UTP23: variants seen among roughly 807,000 people sequenced by gnomAD.
UTP23 encodes the protein rRNA-processing protein UTP23 homolog.
A neutral mutation model predicts 19.8 loss-of-function variants in UTP23; 10 were observed. The ratio of observed to expected loss-of-function variants is 0.50; its 90% CI spans 0.31 to 0.86. UTP23 has a LOEUF of 0.86. Ranked by LOEUF, UTP23 falls within the 40% of genes least tolerant of loss-of-function variation. The probability of loss-of-function intolerance (pLI) is 0.05; values close to 1 mark genes in which losing one functional copy is unlikely to be tolerated. For synonymous variants in UTP23, 108 were observed against 105.4 expected (o/e 1.02, Z -0.15); for missense variants, 282 against 293.1 (o/e 0.96, Z 0.28).
intron 1 of UTP23, among the ~76,000 whole-genome samples, chr8:116,767,577 C>T (rs1025658037): frequency 6.6e-6 from 1 of 152,118 alleles, no homozygotes; most frequent in African/African-American, 2.4e-5. Context: ...AACATTTGAG[C>T]CCATTCACTT....
rs767030128 is a variant in UTP23, at chr8:116,773,925, G to T, written c.*2083G>T. The stretch of plus-strand genomic sequence containing the variant: ...AAAAGTCTCATATCCTTGTACTTCA[G>T]TTTTTTTGTGTGTGAATACTATCCC... On this transcript the variant is annotated 3_prime_UTR_variant, in exon 3 of 3. Transcript: ENST00000309822. The T allele has an allele frequency of 7.1e-6, 7 of 984,360 alleles. No individual in the cohort carries two copies. The highest frequency in any genetic ancestry group is 8.4e-6 in the Non-Finnish European group (7 of 829,168). The allele number at this position is 984,360 out of a possible 1,614,324, so 61.0% of individuals were successfully genotyped here.
chr8:116,772,444 T>C lies in UTP23; in HGVS notation c.*602T>C. On this transcript the variant is annotated 3_prime_UTR_variant, in exon 3 of 3. Transcript: ENST00000309822. ...TAGTTGAAGAATTTATATTTCCAAATTGTATGATTATACCGCTACTTTTTG... is the reference window on the plus strand; with the variant it reads ...TAGTTGAAGAATTTATATTTCCAAACTGTATGATTATACCGCTACTTTTTG... 1.0e-6 allele frequency: 1 copy of C among 952,860 alleles called. No homozygotes were observed. Among genetic ancestry groups the C allele is most frequent in the African/African-American group, 1.8e-5 (1 of 56,652 alleles). The allele number at this position is 952,860 out of a possible 1,614,324, so 59.0% of individuals were successfully genotyped here. A position where few individuals can be genotyped will look rare whatever the true frequency, so the allele number is the denominator to read the frequency against.
chr8:116,767,424 A>G (rs1815599705), intron 1 of UTP23, among the ~76,000 whole-genome samples: 1 of 152,178 alleles, frequency 6.6e-6, no homozygotes, highest in Non-Finnish European at 1.5e-5. Context: ...CCTCATGGCC[A>G]GTAAAGTGCA....
Position 116,772,243 on chromosome 8 carries a change from T to C in UTP23, c.*401T>C. The C allele has an allele frequency of 2.0e-6, 2 of 986,628 alleles. No individual in the cohort carries two copies. Among genetic ancestry groups the C allele is most frequent in the Non-Finnish European group, 2.4e-6 (2 of 830,764 alleles). The allele number at this position is 986,628 out of a possible 1,614,324, so 61.1% of individuals were successfully genotyped here. Reference sequence around the variant, plus strand: ...GATGGAATTCACTTTACTTACTAAATGGTTTCGGGAGGTTGTTTCTCCAGG... The same window carrying C: ...GATGGAATTCACTTTACTTACTAAACGGTTTCGGGAGGTTGTTTCTCCAGG... On this transcript the variant is annotated 3_prime_UTR_variant, in exon 3 of 3. Transcript: ENST00000309822.
chr8:116,773,515 T>G lies in UTP23; in HGVS notation c.*1673T>G, dbSNP rs1212938058. Reference sequence around the variant, plus strand: ...AGTACTAAAAATTACAATGTATTAGTAAGTTTAATATTTTGACAGGGCATG... The same window carrying G: ...AGTACTAAAAATTACAATGTATTAGGAAGTTTAATATTTTGACAGGGCATG... On this transcript the variant is annotated 3_prime_UTR_variant, in exon 3 of 3. Coordinates refer to ENST00000309822, the MANE Select transcript of UTP23 (RefSeq NM_032334.3). 1 of 983,620 alleles carries G rather than the reference T, an allele frequency of 1.0e-6. No homozygotes were observed. The highest frequency in any genetic ancestry group is 6.2e-5 in the Admixed American group (1 of 16,260). 60.9% of individuals were successfully genotyped at this position (983,620 alleles called of 1,614,324 possible).
In UTP23 at chr8:116,771,708, A is replaced by C; in HGVS notation, c.616A>C (p.Ser206Arg). 5.6e-6 allele frequency: 9 copies of C among 1,613,042 alleles called. No individual in the cohort carries two copies. Among genetic ancestry groups the C allele is most frequent in the Non-Finnish European group, 7.6e-6 (9 of 1,179,882 alleles). Reference sequence around the variant, plus strand: ...GAAAATAAGTGGTCCCAATCCTCTTAGTTGTTTGAAGAAAAAGAAAAAGGC... The same window carrying C: ...GAAAATAAGTGGTCCCAATCCTCTTCGTTGTTTGAAGAAAAAGAAAAAGGC... The part of the protein sequence containing the change: ...RKKISGPNPL[S>R]CLKKKKKAPD... Residue 206 changes from serine to arginine, a missense_variant, in exon 3 of 3, where the codon AGT (serine) becomes CGT (arginine). Coordinates refer to ENST00000309822, the MANE Select transcript of UTP23 (RefSeq NM_032334.3).
chr8:116,773,181 T>A lies in UTP23; in HGVS notation c.*1339T>A, dbSNP rs1563668893. ...GGATTGCAATGTCATGATTCTATTT[T>A]AAATTCTTGATGGTAGAAACATTTT... On this transcript the variant is annotated 3_prime_UTR_variant, in exon 3 of 3. Coordinates refer to ENST00000309822, the MANE Select transcript of UTP23 (RefSeq NM_032334.3). 2 of 985,452 alleles carry A rather than the reference T, an allele frequency of 2.0e-6. No homozygotes were observed. The highest frequency in any genetic ancestry group is 1.1e-4 in the East Asian group (1 of 8,822). 61.0% of individuals were successfully genotyped at this position (985,452 alleles called of 1,614,324 possible).
Position 116,766,659 on chromosome 8 carries a change from A to G in UTP23, c.56A>G (p.Asn19Ser). The change falls in exon 1 of 3, where the codon AAC becomes AGC. Residue 19 changes from asparagine to serine, a missense_variant. Physicochemically the swap from Asn to Ser is conservative, Grantham distance 46. Transcript: ENST00000309822. The part of the protein sequence containing the change: ...AKKHLGFFRN[N>S]FGVREPYQIL... ...AAGCATCTTGGCTTCTTCCGCAACA[A>G]CTTCGGAGTCCGCGAGCCGTACCAG... The G allele has an allele frequency of 1.2e-6, 2 of 1,607,266 alleles. No homozygotes were observed. The highest frequency in any genetic ancestry group is 1.7e-6 in the Non-Finnish European group (2 of 1,177,546).
Position 116,768,248 on chromosome 8 carries a change from TC to T in UTP23, c.188+1458del, listed in dbSNP as rs538208693. Among the ~76,000 whole-genome samples, 24 of 152,328 alleles carry T rather than the reference TC, an allele frequency of 1.6e-4. No homozygotes were observed. The South Asian group carries it at 4.8e-3, about 30-fold the overall frequency. On this transcript the variant is annotated intron_variant, in intron 1 of 2. Coordinates refer to ENST00000309822, the MANE Select transcript of UTP23 (RefSeq NM_032334.3). Reference sequence around the variant, plus strand: ...TCTTTAGGGCTGTCTAACAAATCCTTCAGTAGTCTTTGCTCCTGAATTGATT... The same window carrying T: ...TCTTTAGGGCTGTCTAACAAATCCTTAGTAGTCTTTGCTCCTGAATTGATT...
Position 116,774,102 on chromosome 8 carries a change from A to G in UTP23, c.*2260A>G. 2.0e-6 allele frequency: 2 copies of G among 985,382 alleles called. No homozygotes were observed. Among genetic ancestry groups the G allele is most frequent in the Non-Finnish European group, 2.4e-6 (2 of 829,936 alleles). 61.0% of individuals were successfully genotyped at this position (985,382 alleles called of 1,614,324 possible). ...ACCTCTGCTTTAGAGGGTAGCTACTAGCTTTGTTGGGGATAAAAGTGTAAT... is the reference window on the plus strand; with the variant it reads ...ACCTCTGCTTTAGAGGGTAGCTACTGGCTTTGTTGGGGATAAAAGTGTAAT... On this transcript the variant is annotated 3_prime_UTR_variant, in exon 3 of 3. Coordinates refer to ENST00000309822, the MANE Select transcript of UTP23 (RefSeq NM_032334.3).
At chr8:116,768,122 A>T (rs1355152577) in intron 1 of UTP23, among the ~76,000 whole-genome samples, 1 of 152,096 alleles carries the variant, frequency 6.6e-6, no homozygotes, top group Non-Finnish European at 1.5e-5. Flanking sequence ...CCTTTTCCTC[A>T]CATACGATTA....
rs1586506729 is a variant in UTP23 at position 116,772,094 on chromosome 8, A to G, written c.*252A>G. ...CTACTCAGGAGGCTGAGGCATGAGAATCGCTTGAACCTGGGAGGCAGAGAT... is the reference window on the plus strand; with the variant it reads ...CTACTCAGGAGGCTGAGGCATGAGAGTCGCTTGAACCTGGGAGGCAGAGAT... On this transcript the variant is annotated 3_prime_UTR_variant, in exon 3 of 3. Transcript: ENST00000309822. 2.7e-6 allele frequency: 3 copies of G among 1,106,366 alleles called. No homozygotes were observed. Among genetic ancestry groups the G allele is most frequent in the Non-Finnish European group, 3.3e-6 (3 of 904,144 alleles). 68.5% of individuals were successfully genotyped at this position (1,106,366 alleles called of 1,614,324 possible).
chr8:116,772,082 T>A lies in UTP23; in HGVS notation c.*240T>A, dbSNP rs1815665091. 8.9e-7 allele frequency: 1 copy of A among 1,124,930 alleles called. No individual in the cohort carries two copies. The highest frequency in any genetic ancestry group is 4.6e-5 in the Admixed American group (1 of 21,706). The allele number at this position is 1,124,930 out of a possible 1,614,324, so 69.7% of individuals were successfully genotyped here. On this transcript the variant is annotated 3_prime_UTR_variant, in exon 3 of 3. Coordinates refer to ENST00000309822, the MANE Select transcript of UTP23 (RefSeq NM_032334.3). ...TTGTAATTCCAGCTACTCAGGAGGC[T>A]GAGGCATGAGAATCGCTTGAACCTG...
In UTP23 at chr8:116,766,586, G is replaced by C; in HGVS notation, c.-18G>C. 6.2e-7 allele frequency: 1 copy of C among 1,606,142 alleles called. No homozygotes were observed. ...TGATGCTTCCTGGTCCGGTGGCCTC[G>C]GTCCCGGTAAGCCAGGCATGAAGAT... is the stretch of plus-strand genomic sequence containing the variant. On this transcript the variant is annotated 5_prime_UTR_variant, in exon 1 of 3. Transcript: ENST00000309822.
intron 1 of UTP23, among the ~76,000 whole-genome samples, chr8:116,768,199 C>A (rs753439034): frequency 6.6e-6 from 1 of 152,092 alleles, no homozygotes; most frequent in Non-Finnish European, 1.5e-5. Flanking sequence ...GTTACAGATA[C>A]CCCCAAAGTT....
At chr8:116,768,828 C>G (rs1307563670) in intron 1 of UTP23, among the ~76,000 whole-genome samples, 2 of 152,100 alleles carry the variant, frequency 1.3e-5, no homozygotes, top group African/African-American at 2.4e-5. Context: ...CCACGTCCTA[C>G]TAATTTTTGT....
Position 116,774,444 on chromosome 8 carries a change from A to C in UTP23, c.*2602A>C, listed in dbSNP as rs965463444. ...TTTTTATAGGTGGATAGAAATGAAT[A>C]GTTTGGAGTCTTTAAAATGTTTTAA... is the stretch of plus-strand genomic sequence containing the variant. On this transcript the variant is annotated 3_prime_UTR_variant, in exon 3 of 3. Transcript: ENST00000309822. 1.5e-5 allele frequency: 15 copies of C among 980,204 alleles called. No homozygotes were observed. The highest frequency in any genetic ancestry group is 1.7e-5 in the Non-Finnish European group (14 of 825,430). The allele number at this position is 980,204 out of a possible 1,614,324, so 60.7% of individuals were successfully genotyped here. A position where few individuals can be genotyped will look rare whatever the true frequency, so the allele number is the denominator to read the frequency against.
In UTP23 at chr8:116,772,744, C is replaced by T; in HGVS notation, c.*902C>T. 1 of 985,286 alleles carries T rather than the reference C, an allele frequency of 1.0e-6. No individual in the cohort carries two copies. Among genetic ancestry groups the T allele is most frequent in the South Asian group, 4.7e-5 (1 of 21,286 alleles). 61.0% of individuals were successfully genotyped at this position (985,286 alleles called of 1,614,324 possible). A position where few individuals can be genotyped will look rare whatever the true frequency, so the allele number is the denominator to read the frequency against. On this transcript the variant is annotated 3_prime_UTR_variant, in exon 3 of 3. Coordinates refer to ENST00000309822, the MANE Select transcript of UTP23 (RefSeq NM_032334.3). ...GACTGTGAATGTTATTGAAAAGTGT[C>T]TAAATTAGTCTGAGGATCAATGAGG...
rs753744339 is a variant in UTP23, at chr8:116,774,236, A to G, written c.*2394A>G. ...TAAGTGTTTGCAGTTGTGTATGGGC[A>G]CGATACTGTATTCTTTACATTTTTA... On this transcript the variant is annotated 3_prime_UTR_variant, in exon 3 of 3. Transcript: ENST00000309822. The G allele has an allele frequency of 2.1e-4, 210 of 985,302 alleles. No homozygotes were observed. Among genetic ancestry groups the G allele is most frequent in the Non-Finnish European group, 2.4e-4 (201 of 829,944 alleles). 61.0% of individuals were successfully genotyped at this position (985,302 alleles called of 1,614,324 possible).
Sources: gnomAD v4.1 joint callset for allele counts (sites outside exome capture counted in the v4.1 genomes callset) on GRCh38, gnomAD v4.1.1 for gene constraint, MANE v1.5 for transcripts, NCBI Gene and HGNC (gene_info 2026-07-23, HGNC 2026-07-21) for gene names.